PPFIA2: variants seen among roughly 807,000 people sequenced by gnomAD.
The protein encoded by PPFIA2 is liprin-alpha-2.
In PPFIA2, 46 loss-of-function variants were observed where a neutral mutation model predicts 175.5. The ratio of observed to expected loss-of-function variants is 0.26; its 90% CI spans 0.21 to 0.34. The LOEUF is 0.34. Ranked by LOEUF, PPFIA2 falls within the 10% of genes least tolerant of loss-of-function variation. PPFIA2 has a pLI of 1.00. For missense variants in PPFIA2, 1,179 were observed against 1,506.1 expected, an observed-to-expected ratio of 0.78 and a Z score of 3.60; for synonymous variants, 568 against 511.4, an observed-to-expected ratio of 1.11 and a Z score of -1.49.
intron 4 of PPFIA2, among the ~76,000 whole-genome samples, chr12:81,614,583 C>T (rs968514655): frequency 9.9e-5 from 15 of 152,078 alleles, no homozygotes; most frequent in Admixed American, 5.2e-4. Context: ...TTTAGGCCAC[C>T]TTATTTCTTA....
At chr12:81,427,961 T>C (rs116899149) in intron 7 of PPFIA2, among the ~76,000 whole-genome samples, 13,451 of 152,042 alleles carry the variant, frequency 0.088, 837 homozygotes, top group Middle Eastern at 0.17. Flanking sequence ...ATCTTGAATC[T>C]TCTGACTTAA....
chr12:81,737,650 G>T (rs2081783437), intron 3 of PPFIA2, among the ~76,000 whole-genome samples: 2 of 151,806 alleles, frequency 1.3e-5, no homozygotes, highest in African/African-American at 4.8e-5. Context: ...ACTTAAAATG[G>T]CCATGTTTCA....
At chr12:81,366,451 G>C (rs1223247734) in intron 14 of PPFIA2, among the ~76,000 whole-genome samples, 1 of 151,492 alleles carries the variant, frequency 6.6e-6, no homozygotes, top group Non-Finnish European at 1.5e-5. Flanking sequence ...TGAAAGCCTG[G>C]GGTCAGAGTC....
At chr12:81,449,412 C>T (rs1213977989) in intron 5 of PPFIA2, among the ~76,000 whole-genome samples, 3 of 151,486 alleles carry the variant, frequency 2.0e-5, no homozygotes, top group African/African-American at 7.3e-5. Flanking sequence ...TCTCTAATGA[C>T]CATACTTCTA....
At chr12:81,307,527 T>C (rs1234922451) in intron 22 of PPFIA2, among the ~76,000 whole-genome samples, 1 of 152,216 alleles carries the variant, frequency 6.6e-6, no homozygotes, top group Non-Finnish European at 1.5e-5. Flanking sequence ...AAGATTACAA[T>C]GTTATATCTA....
chr12:81,654,721 C>A (rs1275869715), intron 4 of PPFIA2, among the ~76,000 whole-genome samples: 1 of 152,096 alleles, frequency 6.6e-6, no homozygotes, highest in African/African-American at 2.4e-5. Context: ...GCAGAGGATT[C>A]ATCTAAGATG....
chr12:81,372,513 GA>G (rs3075257), intron 11 of PPFIA2, among the ~76,000 whole-genome samples: 6,450 of 93,554 alleles, frequency 0.069, 168 homozygotes, highest in African/African-American at 0.086. Context: ...AATTGAAACA[GA>G]AAAAAAAAAA....
At chr12:81,461,668 C>G (rs142408568) in intron 4 of PPFIA2, among the ~76,000 whole-genome samples, 1,892 of 152,102 alleles carry the variant, frequency 0.012, 20 homozygotes, top group South Asian at 0.031. Context: ...CCCTCAAAAG[C>G]CTCCTTCTTA....
intron 3 of PPFIA2, among the ~76,000 whole-genome samples, chr12:81,682,683 AT>A (rs2073848502): frequency 6.6e-6 from 1 of 152,058 alleles, no homozygotes; most frequent in African/African-American, 2.4e-5. Context: ...TGTATTCAAA[AT>A]ATTGAAATTA....
chr12:81,756,715 C>T (rs1405164893), intron 2 of PPFIA2, among the ~76,000 whole-genome samples: 1 of 152,014 alleles, frequency 6.6e-6, no homozygotes, highest in African/African-American at 2.4e-5. Context: ...TGACTGAGAA[C>T]ACACAGCAAA....
chr12:81,739,361 AG>A (rs1348639683), intron 3 of PPFIA2, among the ~76,000 whole-genome samples: 1 of 152,084 alleles, frequency 6.6e-6, no homozygotes, highest in Non-Finnish European at 1.5e-5. Flanking sequence ...TATAGTTCAT[AG>A]TACTGTATTC....
rs533767416 is a variant in PPFIA2, at chr12:81,616,175, T to C, written c.303+60616A>G. Among the ~76,000 whole-genome samples the C allele has an allele frequency of 5.3e-5, 8 of 152,288 alleles. No individual in the cohort carries two copies. The Middle Eastern group carries it at 0.01, about 194-fold the overall frequency. On this transcript the variant is annotated intron_variant, in intron 4 of 32. Transcript: ENST00000549396. Reference sequence around the variant, plus strand: ...AATTCAAGGCTTCAGCATCCTTCTCTGTCTATATCAGTATATTGTAGAAAT... The same window carrying C: ...AATTCAAGGCTTCAGCATCCTTCTCCGTCTATATCAGTATATTGTAGAAAT...
intron 4 of PPFIA2, among the ~76,000 whole-genome samples, chr12:81,631,877 C>T (rs1191200461): frequency 2.0e-5 from 3 of 152,060 alleles, no homozygotes; most frequent in Non-Finnish European, 4.4e-5. Context: ...TGACATAATG[C>T]CTTTAGTGAC....
At chr12:81,375,009 A>T (rs2141689703) in intron 10 of PPFIA2, among the ~76,000 whole-genome samples, 1 of 152,274 alleles carries the variant, frequency 6.6e-6, no homozygotes, top group South Asian at 2.1e-4. Flanking sequence ...AAGGAAAGAA[A>T]TTACTCATGA....
At chr12:81,360,905 T>C (rs1246976524) in intron 15 of PPFIA2, among the ~76,000 whole-genome samples, 1 of 151,722 alleles carries the variant, frequency 6.6e-6, no homozygotes, top group Admixed American at 6.6e-5. Flanking sequence ...GCCTGTGATA[T>C]AATCAGAAAA....
chr12:81,627,914 AT>A (rs951725433), intron 4 of PPFIA2, among the ~76,000 whole-genome samples: 2 of 152,162 alleles, frequency 1.3e-5, no homozygotes, highest in African/African-American at 2.4e-5. Flanking sequence ...CAAAATTGAA[AT>A]GAAAAATCTT....
At chr12:81,406,747 T>A (rs2043006444) in intron 7 of PPFIA2, among the ~76,000 whole-genome samples, 1 of 152,304 alleles carries the variant, frequency 6.6e-6, no homozygotes, top group East Asian at 1.9e-4. Flanking sequence ...GCATATTTTA[T>A]TGTATTATCA....
At chr12:81,587,133 T>A (rs2075405148) in intron 4 of PPFIA2, among the ~76,000 whole-genome samples, 4 of 151,970 alleles carry the variant, frequency 2.6e-5, no homozygotes, top group Non-Finnish European at 5.9e-5. Flanking sequence ...ATTCCAATGG[T>A]CATTGATATG....
intron 3 of PPFIA2, among the ~76,000 whole-genome samples, chr12:81,717,295 CT>C (rs1268299507): frequency 6.6e-6 from 1 of 151,426 alleles, no homozygotes; most frequent in Non-Finnish European, 1.5e-5. Flanking sequence ...TTCTTTTGTT[CT>C]TTTCAACCCT....
Sources: allele counts gnomAD v4.1 joint callset (sites outside exome capture counted in the v4.1 genomes callset), GRCh38; gene constraint gnomAD v4.1.1; transcripts MANE v1.5; gene names NCBI Gene and HGNC (gene_info 2026-07-23, HGNC 2026-07-21).